UFSP2: variants seen among roughly 807,000 people sequenced by gnomAD.
UFSP2 encodes ufm1-specific protease 2.
Under a neutral mutation model 60.2 loss-of-function variants are expected in UFSP2, and 43 were observed. The observed-to-expected ratio is 0.71, with a 90% confidence interval of 0.56 to 0.92. The LOEUF is 0.92. Among genes scored for constraint, UFSP2 ranks in the 40% least tolerant of loss-of-function variants. The pLI, the probability that UFSP2 is intolerant of heterozygous loss-of-function variation, is 0.00. For synonymous variants in UFSP2, 183 were observed against 195.1 expected (o/e 0.94, Z 0.52); for missense variants, 520 against 575.0 (o/e 0.90, Z 0.98).
At chr4:185,410,957 A>AAG (rs1554023719) in intron 7 of UFSP2, among the ~76,000 whole-genome samples, 16 of 151,134 alleles carry the variant, frequency 1.1e-4, no homozygotes, top group Admixed American at 4.0e-4. Flanking sequence ...AAAAAAAAAA[A>AAG]AAAGAAAGAA....
At chr4:185,403,130 G>A (rs754346757) in intron 11 of UFSP2, among the ~76,000 whole-genome samples, 6 of 152,022 alleles carry the variant, frequency 3.9e-5, no homozygotes, top group Non-Finnish European at 8.8e-5. Flanking sequence ...GCTATCTTTT[G>A]GTTAATTCTA....
At chr4:185,400,976 G>T (rs1561105187) in intron 11 of UFSP2, among the ~76,000 whole-genome samples, 1 of 152,140 alleles carries the variant, frequency 6.6e-6, no homozygotes, top group African/African-American at 2.4e-5. Flanking sequence ...CATGTTTCAT[G>T]TCAGTATTAA....
At chr4:185,403,992 A>C (rs2095516739) in intron 10 of UFSP2, among the ~76,000 whole-genome samples, 1 of 140,494 alleles carries the variant, frequency 7.1e-6, no homozygotes, top group African/African-American at 2.5e-5. Flanking sequence ...AAAAAACAAC[A>C]TTACTTTGCT....
intron 10 of UFSP2, among the ~76,000 whole-genome samples, chr4:185,405,166 TTG>T (rs1024192560): frequency 2.0e-5 from 3 of 151,840 alleles, no homozygotes; most frequent in Non-Finnish European, 4.4e-5. Context: ...GCCAGCTAAT[TTG>T]TGTGTTTTTT....
intron 10 of UFSP2, among the ~76,000 whole-genome samples, chr4:185,405,428 G>C (rs1367720132): frequency 6.6e-6 from 1 of 152,160 alleles, no homozygotes; most frequent in Non-Finnish European, 1.5e-5. Context: ...AAAATCCACA[G>C]AGGTAAGTAA....
chr4:185,416,344 C>T (rs2095538663), intron 4 of UFSP2, among the ~76,000 whole-genome samples: 1 of 152,138 alleles, frequency 6.6e-6, no homozygotes, highest in Non-Finnish European at 1.5e-5. Flanking sequence ...ATAAAATAAC[C>T]ACACACCAAA....
intron 7 of UFSP2, among the ~76,000 whole-genome samples, chr4:185,412,506 G>A (rs555906045): frequency 2.0e-5 from 3 of 152,170 alleles, no homozygotes; most frequent in South Asian, 2.1e-4. Context: ...GCCACCATAC[G>A]ATAGCCAAGT....
chr4:185,415,013 T>C (rs2095535854), intron 6 of UFSP2, 142 bp downstream of exon 6: 1 of 662,512 alleles, frequency 1.5e-6, no homozygotes, highest in Non-Finnish European at 2.4e-6. Context: ...AGAAATTAAA[T>C]AATGTGTAAA....
At chr4:185,420,379 G>A (rs1279336402) in intron 2 of UFSP2, among the ~76,000 whole-genome samples, 1 of 152,056 alleles carries the variant, frequency 6.6e-6, no homozygotes, top group Non-Finnish European at 1.5e-5. Context: ...AACAATATAA[G>A]AAGATATAGT....
At chr4:185,404,721 G>A (rs2095518141) in intron 10 of UFSP2, among the ~76,000 whole-genome samples, 1 of 151,970 alleles carries the variant, frequency 6.6e-6, no homozygotes, top group African/African-American at 2.4e-5. Flanking sequence ...AAGTAGTTGG[G>A]ATTACAGGTG....
chr4:185,407,849 G>A, intron 9 of UFSP2, 87 bp downstream of exon 9: 1 of 1,375,662 alleles, frequency 7.3e-7, no homozygotes, highest in South Asian at 1.5e-5. Context: ...AAGAAATAAG[G>A]GAAGATACCA....
rs993723368 is a variant in UFSP2 at position 185,425,825 on chromosome 4, G to A, written c.3+41C>T. 14 of 1,596,264 alleles carry A rather than the reference G, an allele frequency of 8.8e-6. No homozygotes were observed. In the African/African-American group the frequency reaches 1.6e-4, roughly 18 times the overall value. On this transcript the variant is annotated intron_variant, in intron 1 of 11. Coordinates refer to ENST00000264689, the MANE Select transcript of UFSP2 (RefSeq NM_018359.5). Reference sequence around the variant, plus strand: ...CCGCTCGTGGCGGCTGCCAAAGTCCGGGGAAAAACACAGGGGTCGGTGACG... The same window carrying A: ...CCGCTCGTGGCGGCTGCCAAAGTCCAGGGAAAAACACAGGGGTCGGTGACG...
intron 11 of UFSP2, among the ~76,000 whole-genome samples, chr4:185,400,975 T>A (rs185019660): frequency 3.3e-5 from 5 of 152,346 alleles, no homozygotes; most frequent in African/African-American, 1.2e-4. Flanking sequence ...CCATGTTTCA[T>A]GTCAGTATTA....
Position 185,418,770 on chromosome 4 carries a change from T to C in UFSP2, c.83A>G (p.Glu28Gly), listed in dbSNP as rs753222930. 1.3e-6 allele frequency: 2 copies of C among 1,585,154 alleles called. No homozygotes were observed. Among genetic ancestry groups the C allele is most frequent in the South Asian group, 2.4e-5 (2 of 84,844 alleles). The change falls in exon 3 of 12, where the codon GAA (glutamate) becomes GGA (glycine). Residue 28 changes from glutamate to glycine, a missense_variant and splice_region_variant. Coordinates refer to ENST00000264689, the MANE Select transcript of UFSP2 (RefSeq NM_018359.5). ...DLAFQLATPN[E>G]IFLKKALKHV... ...TTTCAGTGCCTTCTTGAGAAAAATT[T>C]CTAAATTAAAAGAATATAAATAGAA... is the stretch of plus-strand genomic sequence containing the variant.
In UFSP2 at chr4:185,407,928, G is replaced by A. The variant is rs1405939419; in HGVS notation, c.1121+8C>T. On this transcript the variant is annotated splice_region_variant and intron_variant, in intron 9 of 11. Coordinates refer to ENST00000264689, the MANE Select transcript of UFSP2 (RefSeq NM_018359.5). Reference sequence around the variant, plus strand: ...AATGATTTATCTAATTTCTTAAAGTGTGCTTACCTGACAAACAGGATTTTT... The same window carrying A: ...AATGATTTATCTAATTTCTTAAAGTATGCTTACCTGACAAACAGGATTTTT... The A allele has an allele frequency of 2.5e-6, 4 of 1,612,828 alleles. No individual in the cohort carries two copies. Among genetic ancestry groups the A allele is most frequent in the African/African-American group, 1.3e-5 (1 of 74,992 alleles).
chr4:185,405,137 T>C (rs946729704), intron 10 of UFSP2, among the ~76,000 whole-genome samples: 1 of 151,672 alleles, frequency 6.6e-6, no homozygotes, highest in African/African-American at 2.4e-5. Flanking sequence ...TAGCTGGCAC[T>C]ATAGGCTCAC....
rs140099284 is a variant in UFSP2 at position 185,417,677 on chromosome 4, T to C, written c.333+764A>G. Reference sequence around the variant, plus strand: ...TACAACTTCGTGCCTTGAAGACGCATCTCCATTTTCTATCTTCAATATCTG... The same window carrying C: ...TACAACTTCGTGCCTTGAAGACGCACCTCCATTTTCTATCTTCAATATCTG... On this transcript the variant is annotated intron_variant, in intron 4 of 11. Transcript: ENST00000264689. Among the ~76,000 whole-genome samples the C allele has an allele frequency of 2.4e-3, 370 of 152,252 alleles. 7 individuals are homozygous for C. In the East Asian group the frequency reaches 0.03, roughly 12 times the overall value.
chr4:185,418,407 T>A, intron 4 of UFSP2, 34 bp downstream of exon 4: 1 of 1,505,788 alleles, frequency 6.6e-7, no homozygotes, highest in Non-Finnish European at 9.1e-7. Context: ...GATTTAACAT[T>A]TTTATCAGTA....
At chr4:185,408,708 C>G (rs554303882) in intron 7 of UFSP2, among the ~76,000 whole-genome samples, 72 of 152,234 alleles carry the variant, frequency 4.7e-4, no homozygotes, top group African/African-American at 1.6e-3. Flanking sequence ...CCTCTACTTT[C>G]GGTTCCCATA....
Sources: allele counts gnomAD v4.1 joint callset (sites outside exome capture counted in the v4.1 genomes callset), GRCh38; gene constraint gnomAD v4.1.1; transcripts MANE v1.5; gene names NCBI Gene and HGNC (gene_info 2026-07-23, HGNC 2026-07-21).